Variants in TLE2 observed in about 807,000 individuals in gnomAD.
TLE2 encodes TLE family member 2, transcriptional corepressor.
Under a neutral mutation model 97.2 loss-of-function variants are expected in TLE2, and 74 were observed. The observed-to-expected ratio is 0.76, with a 90% CI of 0.63 to 0.92. TLE2 has a LOEUF of 0.92. Among genes scored for constraint, TLE2 ranks in the 40% least tolerant of loss-of-function variants. The pLI is 0.00. For missense variants in TLE2, 1,038 were observed against 1,008.7 expected, an observed-to-expected ratio of 1.03 and a Z score of -0.39; for synonymous variants, 499 against 432.1, an observed-to-expected ratio of 1.15 and a Z score of -1.92.
rs1599229505 is a variant in TLE2 at position 3,019,442 on chromosome 19, G to T, written c.391C>A (p.His131Asn). ...LIGQQLQPLS[H>N]HAPPVPLTPR... ...GTGAGGGGCACAGGGGGTGCGTGGTGGGACAGCGGCTGGAGCTGCTGCTGC... is the reference window on the plus strand; with the variant it reads ...GTGAGGGGCACAGGGGGTGCGTGGTTGGACAGCGGCTGGAGCTGCTGCTGC... Residue 131 changes from histidine to asparagine, a missense_variant, in exon 7 of 20, where the codon CAC becomes AAC. By Grantham distance (68) the His-to-Asn change is moderately conservative. Coordinates refer to ENST00000262953, the MANE Select transcript of TLE2 (RefSeq NM_003260.5). The surrounding 1 kb of genome is among the most constrained non-coding windows in gnomAD (Gnocchi z 5.1). 1 of 1,529,206 alleles carries T rather than the reference G, an allele frequency of 6.5e-7. No homozygotes were observed. 94.7% of individuals were successfully genotyped at this position (1,529,206 alleles called of 1,614,324 possible). A position where few individuals can be genotyped will look rare whatever the true frequency, so the allele number is the denominator to read the frequency against.
intron 13 of TLE2, 84 bp from the exon 14 acceptor site, chr19:3,009,029 T>G: frequency 9.3e-7 from 1 of 1,077,166 alleles, no homozygotes; most frequent in Non-Finnish European, 1.3e-6. Context: ...GCCATACCCC[T>G]CTCTGTTTAT....
At chr19:3,008,758 G>A in intron 14 of TLE2, 111 bp downstream of exon 14, 2 of 857,256 alleles carry the variant, frequency 2.3e-6, no homozygotes, top group South Asian at 2.5e-5. Context: ...GCCCACACAA[G>A]AGACTTTCTA....
chr19:3,024,486 GCTTT>G (rs2089906163), intron 5 of TLE2, among the ~76,000 whole-genome samples: 2 of 149,370 alleles, frequency 1.3e-5, no homozygotes, highest in Admixed American at 6.7e-5. Context: ...CCCCCATTCT[GCTTT>G]CTGTCTCAGT....
At chr19:3,014,247 A>T (rs2089655124) in intron 10 of TLE2, among the ~76,000 whole-genome samples, 1 of 151,846 alleles carries the variant, frequency 6.6e-6, no homozygotes. Context: ...GATAGGCTCT[A>T]CTCCATAAGC....
chr19:3,009,656 G>A lies in TLE2; in HGVS notation c.1059C>T (p.Phe353=), dbSNP rs374493178. 31 of 1,612,984 alleles carry A rather than the reference G, an allele frequency of 1.9e-5. No homozygotes were observed. In the African/African-American group the frequency reaches 3.9e-4, roughly 20 times the overall value. Residue 353 remains phenylalanine (F), a synonymous_variant, in exon 13 of 20, where the codon TTC becomes TTT. Transcript: ENST00000262953. ...TGAGAGTGCTGTGGGAGCCCAGGCT[G>A]AAGGACGTGGTGAAGGGACTGGACA... ...LTLSSPFTTS[F]SLGSHSTLNG... is the part of the protein sequence containing the mutation.
chr19:3,015,528 A>C (rs2089682866), intron 9 of TLE2, 125 bp downstream of exon 9: 2 of 702,698 alleles, frequency 2.8e-6, no homozygotes, highest in African/African-American at 1.8e-5. Context: ...TCTGAGTAGT[A>C]GGGAGCTATG....
chr19:3,005,308 AAAGATGG>A (rs2089449342), intron 17 of TLE2, 122 bp downstream of exon 17: 1 of 1,296,184 alleles, frequency 7.7e-7, no homozygotes, highest in Non-Finnish European at 1.0e-6. Context: ...GGGGGACAAG[AAAGATGG>A]ACACCACAGC....
At position 2,997,645 on chromosome 19, in the gene TLE2, G is replaced by A; in HGVS notation, c.*203C>T. The stretch of plus-strand genomic sequence containing the variant: ...CCCAGCCCGAGAGAGAAGTGCGGAT[G>A]TGATAGATACATTTTATTTCCACCG... On this transcript the variant is annotated 3_prime_UTR_variant, in exon 20 of 20. Transcript: ENST00000262953. 1 of 574,448 alleles carries A rather than the reference G, an allele frequency of 1.7e-6. No homozygotes were observed. Among genetic ancestry groups the A allele is most frequent in the Non-Finnish European group, 3.1e-6 (1 of 319,594 alleles). 35.6% of individuals were successfully genotyped at this position (574,448 alleles called of 1,614,324 possible).
intron 5 of TLE2, among the ~76,000 whole-genome samples, chr19:3,024,819 A>G (rs1599239776): frequency 6.6e-6 from 1 of 151,900 alleles, no homozygotes; most frequent in African/African-American, 2.4e-5. Context: ...CTCAGCCAAC[A>G]CCTCCCTCCA....
chr19:3,038,366 A>T (rs2090076365), intron 1 of TLE2, among the ~76,000 whole-genome samples: 1 of 151,944 alleles, frequency 6.6e-6, no homozygotes, highest in Admixed American at 6.6e-5. Flanking sequence ...GTACCACCAC[A>T]CTCAGCTAAT....
chr19:3,012,970 C>T (rs570316407), intron 11 of TLE2, among the ~76,000 whole-genome samples: 2 of 152,224 alleles, frequency 1.3e-5, no homozygotes, highest in East Asian at 1.9e-4. Context: ...AGGTTTTTCC[C>T]GCAGTGGGAG....
intron 14 of TLE2, among the ~76,000 whole-genome samples, chr19:3,008,578 G>A (rs2145137212): frequency 6.6e-6 from 1 of 152,094 alleles, no homozygotes; most frequent in South Asian, 2.1e-4. Context: ...AGCCTCCCGA[G>A]TAGCTGGGAT....
In TLE2 at chr19:3,028,929, G is replaced by A. The variant is rs1283340528; in HGVS notation, c.-25C>T. The A allele has an allele frequency of 6.2e-6, 10 of 1,608,142 alleles. No homozygotes were observed. In the East Asian group the frequency reaches 2.2e-4, roughly 36 times the overall value. On this transcript the variant is annotated 5_prime_UTR_variant, in exon 1 of 20. Transcript: ENST00000262953. ...TCCTGCCGATCCGAAAAGCCCCCCA[G>A]GCGCCACCAGAGCTTGATGATATGG...
Position 3,005,894 on chromosome 19 carries a change from G to T in TLE2, c.1575C>A (p.Ser525Arg), listed in dbSNP as rs760685538. Residue 525 changes from serine (S) to arginine (R), a missense_variant, in exon 16 of 20, where the codon AGC (serine) becomes AGA (arginine). Coordinates refer to ENST00000262953, the MANE Select transcript of TLE2 (RefSeq NM_003260.5). ...CCGCCAGGTCCCAAATGGACAAGGT[G>T]CTGGCCTCACCGCCCACGATCAGAC... is the stretch of plus-strand genomic sequence containing the variant. ...GRSLIVGGEA[S>R]TLSIWDLAAP... The T allele has an allele frequency of 1.9e-6, 3 of 1,613,888 alleles. No homozygotes were observed. Among genetic ancestry groups the T allele is most frequent in the South Asian group, 2.2e-5 (2 of 91,068 alleles).
intron 11 of TLE2, among the ~76,000 whole-genome samples, chr19:3,011,902 T>C (rs1302901862): frequency 6.6e-6 from 1 of 151,034 alleles, no homozygotes; most frequent in Non-Finnish European, 1.5e-5. Context: ...TTATAGGCTG[T>C]CAAGATTTGC....
intron 18 of TLE2, 38 bp downstream of exon 18, chr19:3,002,315 G>A (rs201442313): frequency 1.3e-6 from 2 of 1,570,900 alleles, no homozygotes; most frequent in East Asian, 2.3e-5. Context: ...GTTTTGTTGG[G>A]GTTTTGAGGG....
At chr19:3,020,506 G>A (rs1235430637) in intron 5 of TLE2, 1 of 151,652 alleles carries the variant, frequency 6.6e-6, no homozygotes, top group East Asian at 1.9e-4. Flanking sequence ...TTAAGGAACA[G>A]AAAGTACCAG....
intron 11 of TLE2, among the ~76,000 whole-genome samples, chr19:3,012,264 A>ACAAG (rs1405436024): frequency 6.6e-6 from 1 of 151,616 alleles, no homozygotes; most frequent in African/African-American, 2.4e-5. Context: ...AAAACGAAAA[A>ACAAG]CAAACAAAAG....
chr19:3,024,443 C>T (rs1256623461), intron 5 of TLE2, among the ~76,000 whole-genome samples: 2 of 152,066 alleles, frequency 1.3e-5, no homozygotes, highest in Non-Finnish European at 2.9e-5. Context: ...CCATAAAACT[C>T]TCACTCCCCG....
Sources: gnomAD v4.1 joint callset for allele counts (sites outside exome capture counted in the v4.1 genomes callset) on GRCh38, gnomAD v4.1.1 for gene constraint, Gnocchi (gnomAD v3.1) non-coding constraint, MANE v1.5 for transcripts, NCBI Gene and HGNC (gene_info 2026-07-23, HGNC 2026-07-21) for gene names.